The following MYO16 variants were observed in gnomAD, a reference collection of about 807,000 sequenced individuals.
MYO16 encodes unconventional myosin-XVI.
In MYO16, 94 loss-of-function variants were observed where a neutral mutation model predicts 205.3. That is an observed-to-expected ratio of 0.46 (90% CI 0.39 to 0.54). The LOEUF (loss-of-function observed/expected upper bound fraction) is 0.54, where lower values mean the gene tolerates loss of function less well. Ranked by LOEUF, MYO16 falls within the 20% of genes least tolerant of loss-of-function variation. The pLI is 0.00. For synonymous variants in MYO16, 988 were observed against 954.0 expected (o/e 1.04, Z -0.66); for missense variants, 2,315 against 2,387.5 (o/e 0.97, Z 0.63).
At chr13:108,967,886 TCTC>T (rs1376667773) in intron 20 of MYO16, among the ~76,000 whole-genome samples, 1 of 152,084 alleles carries the variant, frequency 6.6e-6, no homozygotes, top group Non-Finnish European at 1.5e-5. Context: ...CTTCCTCACA[TCTC>T]CTCCCAATGC....
chr13:109,035,677 C>G (rs1220400602), intron 23 of MYO16, among the ~76,000 whole-genome samples: 1 of 152,120 alleles, frequency 6.6e-6, no homozygotes, highest in East Asian at 1.9e-4. Context: ...AAGTGAGACT[C>G]TGCTTCAAAA....
rs1880122892 is a variant in MYO16 at position 108,890,550 on chromosome 13, G to A, written c.1659+2073G>A. Among the ~76,000 whole-genome samples the A allele has an allele frequency of 2.0e-5, 3 of 152,166 alleles. No homozygotes were observed. In the South Asian group the frequency reaches 6.2e-4, roughly 32 times the overall value. On this transcript the variant is annotated intron_variant, in intron 14 of 34. Transcript: ENST00000457511. Reference sequence around the variant, plus strand: ...GGAGCAGCAAACCCCAGTCCAGGCAGAAGGCTCATCATATGCAGAGGGGCT... The same window carrying A: ...GGAGCAGCAAACCCCAGTCCAGGCAAAAGGCTCATCATATGCAGAGGGGCT...
chr13:108,955,770 G>C (rs1883325290), intron 16 of MYO16, among the ~76,000 whole-genome samples: 1 of 152,170 alleles, frequency 6.6e-6, no homozygotes, highest in Non-Finnish European at 1.5e-5. Context: ...GGAATTGCTT[G>C]AACCCGGGAG....
At chr13:108,558,592 A>G in the MYO16 span, among the ~76,000 whole-genome samples, 1 of 152,216 alleles carries the variant, frequency 6.6e-6, no homozygotes, top group Non-Finnish European at 1.5e-5. Flanking sequence ...GTCTCGCAGC[A>G]GAAGCCTCCT....
intron 27 of MYO16, among the ~76,000 whole-genome samples, chr13:109,079,840 C>G (rs540670255): frequency 6.6e-6 from 1 of 151,408 alleles, no homozygotes; most frequent in African/African-American, 2.4e-5. Context: ...GAACTTTCTG[C>G]AATGATGGTT....
At position 108,834,170 on chromosome 13, in the gene MYO16, T is replaced by C. The variant is rs545498395; in HGVS notation, c.1098-10173T>C. 9.2e-5 allele frequency among the ~76,000 whole-genome samples: 14 copies of C among 152,272 alleles called. No individual in the cohort carries two copies. In the East Asian group the frequency reaches 2.5e-3, roughly 27 times the overall value. On this transcript the variant is annotated intron_variant, in intron 9 of 34. Transcript: ENST00000457511. The stretch of plus-strand genomic sequence containing the variant: ...GGAGAATGATTGAGCTCAATTCTAC[T>C]GAACAAAAAGTAGGAGAGTTTCTAA...
rs190951112 is a variant in MYO16 at position 109,106,649 on chromosome 13, C to T, written c.3438+5762C>T. On this transcript the variant is annotated intron_variant, in intron 28 of 34. Coordinates refer to ENST00000457511, the MANE Select transcript of MYO16 (RefSeq NM_001198950.3). ...ATTTTAAAGCCATCTGGAGGGATGACGAATGAAGAAACAAATCTGTCAGAG... is the reference window on the plus strand; with the variant it reads ...ATTTTAAAGCCATCTGGAGGGATGATGAATGAAGAAACAAATCTGTCAGAG... Among the ~76,000 whole-genome samples, 6 of 152,180 alleles carry T rather than the reference C, an allele frequency of 3.9e-5. No individual in the cohort carries two copies. The East Asian group carries it at 5.8e-4, about 15-fold the overall frequency.
At chr13:108,530,254 C>T in the MYO16 span, among the ~76,000 whole-genome samples, 2 of 152,078 alleles carry the variant, frequency 1.3e-5, no homozygotes, top group Non-Finnish European at 2.9e-5. Context: ...CAGAGTCAGT[C>T]GAAGGACGAA....
intron 28 of MYO16, among the ~76,000 whole-genome samples, chr13:109,107,378 G>T (rs1043152334): frequency 2.0e-4 from 30 of 152,126 alleles, no homozygotes; most frequent in African/African-American, 7.0e-4. Flanking sequence ...TGAAGGATTT[G>T]CTCTTATATT....
chr13:109,154,233 T>C (rs1302506740), intron 32 of MYO16, among the ~76,000 whole-genome samples: 1 of 152,192 alleles, frequency 6.6e-6, no homozygotes, highest in Non-Finnish European at 1.5e-5. Flanking sequence ...CACACTCTTA[T>C]TAAAATATGG....
chr13:108,496,366 C>T, the MYO16 span, among the ~76,000 whole-genome samples: 3 of 152,192 alleles, frequency 2.0e-5, no homozygotes, highest in South Asian at 2.1e-4. Flanking sequence ...GGCTCTGCTT[C>T]CTCCTCCTCT....
chr13:109,188,285 G>A (rs934960272), intron 34 of MYO16, among the ~76,000 whole-genome samples: 4 of 152,002 alleles, frequency 2.6e-5, no homozygotes, highest in African/African-American at 7.2e-5. Flanking sequence ...GTGTTTCTTC[G>A]TAACTTCTTA....
At chr13:108,965,462 A>T (rs1883757679) in intron 20 of MYO16, among the ~76,000 whole-genome samples, 1 of 152,052 alleles carries the variant, frequency 6.6e-6, no homozygotes, top group South Asian at 2.1e-4. Flanking sequence ...GCGGGAGTGC[A>T]CGGGCACAAT....
chr13:108,530,074 G>A, the MYO16 span, among the ~76,000 whole-genome samples: 1 of 152,202 alleles, frequency 6.6e-6, no homozygotes. Flanking sequence ...CTGCTCCCAA[G>A]TGAGCTCAGT....
At chr13:109,040,468 A>C (rs557800622) in intron 23 of MYO16, among the ~76,000 whole-genome samples, 1 of 151,906 alleles carries the variant, frequency 6.6e-6, no homozygotes, top group Non-Finnish European at 1.5e-5. Flanking sequence ...AAATATGTTT[A>C]ATATATTAGC....
intron 15 of MYO16, among the ~76,000 whole-genome samples, chr13:108,909,722 C>T (rs6492154): frequency 0.54 from 82,171 of 151,806 alleles, 22,899 homozygotes; most frequent in East Asian, 0.71. Context: ...ATTTCAAAGC[C>T]TTTGTTACAG....
chr13:108,731,618 A>T (rs1011685512), intron 4 of MYO16, among the ~76,000 whole-genome samples: 6 of 152,224 alleles, frequency 3.9e-5, no homozygotes, highest in African/African-American at 7.2e-5. Flanking sequence ...TTCATGGCTC[A>T]GCAATGTCCT....
chr13:108,808,666 T>C (rs1444115150), intron 7 of MYO16, among the ~76,000 whole-genome samples: 1 of 152,064 alleles, frequency 6.6e-6, no homozygotes, highest in African/African-American at 2.4e-5. Context: ...CTATACTATA[T>C]AGTAAGAATT....
the MYO16 span, among the ~76,000 whole-genome samples, chr13:108,578,487 A>G: frequency 1.3e-5 from 2 of 152,196 alleles, no homozygotes; most frequent in African/African-American, 4.8e-5. Flanking sequence ...CCACTTAGAA[A>G]AGGCATGTTA....
Sources: gnomAD v4.1 joint callset for allele counts (sites outside exome capture counted in the v4.1 genomes callset) on GRCh38, gnomAD v4.1.1 for gene constraint, MANE v1.5 for transcripts, NCBI Gene and HGNC (gene_info 2026-07-23, HGNC 2026-07-21) for gene names.